Variants in KAZN observed in about 807,000 individuals in gnomAD.
KAZN encodes the protein kazrin, periplakin interacting protein.
A neutral mutation model predicts 87.4 loss-of-function variants in KAZN; 40 were observed. That is an observed-to-expected ratio of 0.46 (90% CI 0.36 to 0.60). The LOEUF (loss-of-function observed/expected upper bound fraction) is 0.60. Among genes scored for constraint, KAZN ranks in the 20% least tolerant of loss-of-function variants. The pLI is 0.00. For synonymous variants in KAZN, 466 were observed against 458.3 expected (o/e 1.02, Z -0.22); for missense variants, 898 against 1,073.9 (o/e 0.84, Z 2.29).
chr1:14,722,599 T>C (rs1643176127), intron 1 of KAZN, among the ~76,000 whole-genome samples: 1 of 152,198 alleles, frequency 6.6e-6, no homozygotes, highest in Non-Finnish European at 1.5e-5. Context: ...CTTTGTAAAA[T>C]AAAATTTACT....
chr1:14,922,660 C>T (rs1165401224), intron 1 of KAZN, among the ~76,000 whole-genome samples: 1 of 151,916 alleles, frequency 6.6e-6, no homozygotes, highest in Non-Finnish European at 1.5e-5. Flanking sequence ...GGCATGGTGG[C>T]GGGCACCTGT....
In KAZN at chr1:14,410,714, G is replaced by C. The variant is rs183444610; in HGVS notation, c.250-188269G>C. Among the ~76,000 whole-genome samples, 46 of 152,322 alleles carry C rather than the reference G, an allele frequency of 3.0e-4. 1 individual carries two copies. In the East Asian group the frequency reaches 8.3e-3, roughly 27 times the overall value. ...GGGAGATTTCATACAGACACACACA[G>C]AAGAGAAGGGCAATGTGAAAGAGAA... On this transcript the variant is annotated intron_variant, in intron 2 of 16. Transcript: ENST00000636203.
At chr1:14,893,520 C>T (rs777933435) in intron 1 of KAZN, among the ~76,000 whole-genome samples, 2 of 152,096 alleles carry the variant, frequency 1.3e-5, no homozygotes. Context: ...AGAGGAAGAG[C>T]GCTCGCTGAG....
rs775186184 is a variant in KAZN, at chr1:15,084,142, A to G, written c.1223-10038A>G. 2.8e-3 allele frequency among the ~76,000 whole-genome samples: 423 copies of G among 152,362 alleles called. 6 individuals are homozygous for G. Among genetic ancestry groups the G allele is most frequent in the Non-Finnish European group, 2.3e-3 (154 of 68,030 alleles). On this transcript the variant is annotated intron_variant, in intron 8 of 14. Transcript: ENST00000376030. ...CAGGGAAGGGCTGAGCTGGGGGGAA[A>G]GGCAAAGGAAATGGTATTTCCCATA...
At chr1:14,250,361 C>T (rs1649907794) in intron 2 of KAZN, among the ~76,000 whole-genome samples, 1 of 151,714 alleles carries the variant, frequency 6.6e-6, no homozygotes, top group African/African-American at 2.4e-5. Flanking sequence ...TTGAATCTCA[C>T]CATCAACTTC....
intron 1 of KAZN, among the ~76,000 whole-genome samples, chr1:14,834,000 CACACACACAT>C (rs529323838): frequency 0.028 from 4,196 of 150,192 alleles, 85 homozygotes; most frequent in Non-Finnish European, 0.041. Context: ...CACACACACA[CACACACACAT>C]ACACACACAT....
At chr1:14,689,586 G>A (rs935373703) in intron 1 of KAZN, among the ~76,000 whole-genome samples, 15 of 152,200 alleles carry the variant, frequency 9.9e-5, no homozygotes, top group Admixed American at 2.0e-4. Context: ...GCAGGATTCC[G>A]TTGACACTGA....
chr1:14,476,672 C>T (rs1340872382), intron 2 of KAZN, among the ~76,000 whole-genome samples: 1 of 152,142 alleles, frequency 6.6e-6, no homozygotes, highest in African/African-American at 2.4e-5. Context: ...TGCTTAAAAG[C>T]TCCTTAAGAT....
chr1:14,947,100 GA>G (rs1661897845), intron 1 of KAZN, among the ~76,000 whole-genome samples: 1 of 152,206 alleles, frequency 6.6e-6, no homozygotes, highest in African/African-American at 2.4e-5. Flanking sequence ...GGGTGGGAAA[GA>G]AAGCAGGGCT....
chr1:14,158,850 T>C (rs1289600213), intron 1 of KAZN, among the ~76,000 whole-genome samples: 3 of 152,236 alleles, frequency 2.0e-5, no homozygotes, highest in African/African-American at 4.8e-5. Context: ...GTGGCTCTTA[T>C]GGACTCATAG....
At chr1:14,488,330 G>A (rs556301093) in intron 2 of KAZN, among the ~76,000 whole-genome samples, 11 of 152,280 alleles carry the variant, frequency 7.2e-5, no homozygotes, top group South Asian at 4.2e-4. Context: ...CTGAAAAAGA[G>A]AACGGTGACC....
At chr1:14,637,611 G>A (rs1680090298) in intron 1 of KAZN, among the ~76,000 whole-genome samples, 1 of 152,042 alleles carries the variant, frequency 6.6e-6, no homozygotes, top group African/African-American at 2.4e-5. Flanking sequence ...AATTACTCCT[G>A]GATGAAGTGG....
At chr1:14,171,662 G>A (rs1254741869) in intron 1 of KAZN, among the ~76,000 whole-genome samples, 2 of 152,122 alleles carry the variant, frequency 1.3e-5, no homozygotes, top group Admixed American at 6.6e-5. Context: ...TCATATCTAT[G>A]GACCATATAA....
chr1:13,943,110 A>G (rs1056713637), intron 1 of KAZN, among the ~76,000 whole-genome samples: 8 of 152,262 alleles, frequency 5.3e-5, no homozygotes, highest in Admixed American at 3.9e-4. Context: ...CATAGGCCCA[A>G]GAAGTTCTAT....
At chr1:13,951,653 A>G (rs1641349378) in intron 1 of KAZN, among the ~76,000 whole-genome samples, 1 of 33,098 alleles carries the variant, frequency 3.0e-5, no homozygotes. Flanking sequence ...TAATAATAAT[A>G]ATAATAATAA....
intron 2 of KAZN, among the ~76,000 whole-genome samples, chr1:14,519,985 A>T (rs758784154): frequency 6.6e-6 from 1 of 152,174 alleles, no homozygotes; most frequent in Non-Finnish European, 1.5e-5. Flanking sequence ...TCTGTCACAC[A>T]TGTGTTTCCT....
In KAZN at chr1:14,924,078, C is replaced by A. The variant is rs937513897; in HGVS notation, c.227-36606C>A. The stretch of plus-strand genomic sequence containing the variant: ...GGGGGCGGGGCGGGGGCGGGGCGAG[C>A]CTCGGCAGTCGCCAGCCCGGAAGGA... On this transcript the variant is annotated intron_variant, in intron 1 of 14. Coordinates refer to ENST00000376030, the MANE Select transcript of KAZN (RefSeq NM_201628.3). 1.1e-4 allele frequency: 102 copies of A among 952,838 alleles called. No individual in the cohort carries two copies. The African/African-American group carries it at 1.7e-3, about 16-fold the overall frequency. 59.0% of individuals were successfully genotyped at this position (952,838 alleles called of 1,614,324 possible).
At chr1:14,396,654 A>T (rs965805689) in intron 2 of KAZN, among the ~76,000 whole-genome samples, 1 of 152,238 alleles carries the variant, frequency 6.6e-6, no homozygotes, top group East Asian at 1.9e-4. Flanking sequence ...AAGATAATCT[A>T]AAATTGAGAA....
chr1:14,282,272 A>T (rs1055338986), intron 2 of KAZN, among the ~76,000 whole-genome samples: 4 of 152,180 alleles, frequency 2.6e-5, no homozygotes, highest in Non-Finnish European at 5.9e-5. Context: ...GCTTGCTTGG[A>T]ACAGCTTACA....
Sources: allele counts gnomAD v4.1 joint callset (sites outside exome capture counted in the v4.1 genomes callset), GRCh38; gene constraint gnomAD v4.1.1; transcripts MANE v1.5; gene names NCBI Gene and HGNC (gene_info 2026-07-23, HGNC 2026-07-21).